The following UTRN variants were observed in gnomAD, a reference collection of about 807,000 sequenced individuals.
UTRN encodes utrophin, also known as dystrophin-related protein 1.
Under a neutral mutation model 463.9 loss-of-function variants are expected in UTRN, and 283 were observed. The observed-to-expected ratio is 0.61, with a 90% CI of 0.55 to 0.67. The LOEUF is 0.67. Among genes scored for constraint, UTRN ranks in the 30% least tolerant of loss-of-function variants. The pLI, the probability that UTRN is intolerant of heterozygous loss-of-function variation, is 0.00. For missense variants in UTRN, 3,922 were observed against 4,084.3 expected (o/e 0.96, Z 1.08); for synonymous variants, 1,442 against 1,431.5 (o/e 1.01, Z -0.17).
At chr6:144,724,429 A>G (rs887741859) in intron 53 of UTRN, among the ~76,000 whole-genome samples, 10 of 151,762 alleles carry the variant, frequency 6.6e-5, no homozygotes, top group Admixed American at 4.6e-4. Flanking sequence ...GGGTTTCACC[A>G]TATTGGCCAG....
chr6:144,505,894 C>G (rs1380575016), intron 34 of UTRN, among the ~76,000 whole-genome samples: 2 of 152,156 alleles, frequency 1.3e-5, no homozygotes, highest in African/African-American at 4.8e-5. Flanking sequence ...GTCTAAGTCT[C>G]TTTGTAGGTC....
intron 69 of UTRN, among the ~76,000 whole-genome samples, chr6:144,831,035 A>G (rs1211892427): frequency 1.3e-5 from 2 of 152,166 alleles, no homozygotes; most frequent in Non-Finnish European, 2.9e-5. Flanking sequence ...CACGACCGCC[A>G]TGCACCCAAT....
At chr6:144,525,641 A>ATT (rs111849426) in intron 41 of UTRN, among the ~76,000 whole-genome samples, 113 of 145,488 alleles carry the variant, frequency 7.8e-4, no homozygotes, top group African/African-American at 2.6e-3. Flanking sequence ...TTTTTGTTTC[A>ATT]TTTTTTTTTG....
At chr6:144,450,293 T>C (rs917022832) in intron 17 of UTRN, among the ~76,000 whole-genome samples, 1 of 152,208 alleles carries the variant, frequency 6.6e-6, no homozygotes, top group Non-Finnish European at 1.5e-5. Flanking sequence ...TGCAGGGCCT[T>C]CTTGTAGCTG....
chr6:144,346,112 A>C (rs944981291), intron 2 of UTRN, among the ~76,000 whole-genome samples: 3 of 150,814 alleles, frequency 2.0e-5, no homozygotes, highest in Non-Finnish European at 4.4e-5. Context: ...TGGGAGGTGG[A>C]GGTTGCAGTG....
intron 12 of UTRN, 61 bp from the exon 13 acceptor site, chr6:144,440,291 G>A: frequency 6.4e-7 from 1 of 1,569,334 alleles, no homozygotes; most frequent in African/African-American, 1.3e-5. Context: ...ACAACTGAGT[G>A]CGTTTTAAAT....
chr6:144,453,608 AT>A (rs560738173), intron 18 of UTRN, among the ~76,000 whole-genome samples, 173 bp from the exon 19 acceptor site: 2 of 152,088 alleles, frequency 1.3e-5, no homozygotes, highest in Admixed American at 6.6e-5. Flanking sequence ...TATGAGGTAC[AT>A]TTTTTTTCTT....
intron 51 of UTRN, among the ~76,000 whole-genome samples, chr6:144,643,048 A>G (rs1345631198): frequency 6.6e-6 from 1 of 152,130 alleles, no homozygotes; most frequent in Admixed American, 6.5e-5. Flanking sequence ...TTGTTATTTT[A>G]TAGTATCTAT....
chr6:144,328,602 GA>G (rs1294042038), intron 2 of UTRN, among the ~76,000 whole-genome samples: 2 of 149,734 alleles, frequency 1.3e-5, no homozygotes, highest in African/African-American at 5.0e-5. Context: ...TCTTTTTAAG[GA>G]AATATTATTT....
At chr6:144,812,467 T>C (rs1404451539) in intron 65 of UTRN, among the ~76,000 whole-genome samples, 2 of 152,210 alleles carry the variant, frequency 1.3e-5, no homozygotes, top group Admixed American at 1.3e-4. Context: ...TTAATGCTTT[T>C]GAAGTTCAGT....
At chr6:144,694,600 T>C (rs1216354062) in intron 52 of UTRN, among the ~76,000 whole-genome samples, 1 of 152,102 alleles carries the variant, frequency 6.6e-6, no homozygotes, top group Non-Finnish European at 1.5e-5. Context: ...GATTCAATCT[T>C]TTCTTGGTTC....
intron 51 of UTRN, among the ~76,000 whole-genome samples, chr6:144,639,052 G>T (rs1237183549): frequency 6.6e-6 from 1 of 152,048 alleles, no homozygotes; most frequent in Non-Finnish European, 1.5e-5. Flanking sequence ...CTAAGGGACA[G>T]AATGAGACTT....
At chr6:144,433,258 G>A (rs1369172426) in intron 9 of UTRN, among the ~76,000 whole-genome samples, 1 of 151,838 alleles carries the variant, frequency 6.6e-6, no homozygotes, top group Admixed American at 6.5e-5. Flanking sequence ...CCCAGTAGGG[G>A]CGGCCAGGCA....
At chr6:144,514,610 A>AT in intron 36 of UTRN, 40 bp from the exon 37 acceptor site, 1 of 1,603,678 alleles carries the variant, frequency 6.2e-7, no homozygotes, top group East Asian at 2.2e-5. Flanking sequence ...TTTGGGTTTG[A>AT]TTTTTCCCAT....
intron 51 of UTRN, among the ~76,000 whole-genome samples, chr6:144,663,859 C>T (rs1562728228): frequency 6.6e-6 from 1 of 152,172 alleles, no homozygotes; most frequent in African/African-American, 2.4e-5. Context: ...TTTGCCATAT[C>T]TCATTTTAAA....
intron 54 of UTRN, among the ~76,000 whole-genome samples, chr6:144,732,245 T>TATATATATACACATAC (rs1554359966): frequency 9.2e-6 from 1 of 108,420 alleles, no homozygotes; most frequent in African/African-American, 5.5e-5. Context: ...TATACATATA[T>TATATATATACACATAC]ATATATATAT....
At chr6:144,663,845 T>C (rs535533001) in intron 51 of UTRN, among the ~76,000 whole-genome samples, 1 of 152,346 alleles carries the variant, frequency 6.6e-6, no homozygotes, top group African/African-American at 2.4e-5. Flanking sequence ...ATTGTATTGC[T>C]CAGTTTGCCA....
At chr6:144,430,142 G>A (rs926574201) in intron 9 of UTRN, among the ~76,000 whole-genome samples, 4 of 151,882 alleles carry the variant, frequency 2.6e-5, no homozygotes, top group African/African-American at 7.3e-5. Flanking sequence ...ATTGAGAAAA[G>A]ATTTTTTTTC....
At chr6:144,450,321 C>T (rs1265217853) in intron 17 of UTRN, among the ~76,000 whole-genome samples, 2 of 152,286 alleles carry the variant, frequency 1.3e-5, no homozygotes, top group East Asian at 3.9e-4. Context: ...TGATTCTTGG[C>T]CACATCGTCA....
Sources: allele counts gnomAD v4.1 joint callset (sites outside exome capture counted in the v4.1 genomes callset), GRCh38; gene constraint gnomAD v4.1.1; transcripts MANE v1.5; gene names NCBI Gene and HGNC (gene_info 2026-07-23, HGNC 2026-07-21).